The following TIAM2 variants were observed in gnomAD, a reference collection of about 807,000 sequenced individuals.
TIAM2 encodes the protein TIAM Rac1 associated GEF 2.
In TIAM2, 80 loss-of-function variants were observed where a neutral mutation model predicts 152.9. The observed-to-expected ratio is 0.52, with a 90% CI of 0.44 to 0.63. The LOEUF (loss-of-function observed/expected upper bound fraction) is 0.63, where lower values mean the gene tolerates loss of function less well. TIAM2 is among the 30% of genes least tolerant of loss of function. TIAM2 has a pLI of 0.00. For missense variants in TIAM2, 1,965 were observed against 2,120.1 expected, an observed-to-expected ratio of 0.93 and a Z score of 1.44; for synonymous variants, 804 against 838.0, an observed-to-expected ratio of 0.96 and a Z score of 0.70.
rs556932826 is a variant in TIAM2 at position 155,240,213 on chromosome 6, T to A, written c.3169-317T>A. ...AGCCATAACTTCTTGATTTCAGAGC[T>A]ACCTCACCTTGACTGCAGAGGGTTA... On this transcript the variant is annotated intron_variant, in intron 15 of 26. Transcript: ENST00000682666. Among the ~76,000 whole-genome samples, 292 of 152,378 alleles carry A rather than the reference T, an allele frequency of 1.9e-3. 3 individuals are homozygous for A. The highest frequency in any genetic ancestry group is 6.9e-3 in the African/African-American group (287 of 41,600).
intron 2 of TIAM2, among the ~76,000 whole-genome samples, chr6:155,114,502 C>T (rs1276156724): frequency 6.6e-6 from 1 of 151,994 alleles, no homozygotes; most frequent in Non-Finnish European, 1.5e-5. Flanking sequence ...TGCCCCACCC[C>T]CACAGCCATT....
rs2114941873 is a variant in TIAM2, at chr6:155,063,638, T to A, written c.-208-26651T>A. Among the ~76,000 whole-genome samples the A allele has an allele frequency of 2.0e-5, 3 of 152,026 alleles. No individual in the cohort carries two copies. In the South Asian group the frequency reaches 6.2e-4, roughly 32 times the overall value. ...CTCTACTAAAAATACAAAAATTAGC[T>A]GGGCGTGGTGGTACATGCCTGCTGT... On this transcript the variant is annotated intron_variant, in intron 1 of 26. Transcript: ENST00000682666.
intron 1 of TIAM2, among the ~76,000 whole-genome samples, chr6:155,084,791 G>A (rs983436037): frequency 6.6e-6 from 1 of 152,132 alleles, no homozygotes; most frequent in African/African-American, 2.4e-5. Flanking sequence ...AGTCTACTGG[G>A]TAACTCTACA....
intron 1 of TIAM2, among the ~76,000 whole-genome samples, chr6:154,996,120 A>G (rs931266674): frequency 9.9e-5 from 15 of 152,190 alleles, no homozygotes; most frequent in African/African-American, 3.6e-4. Context: ...TTGTGCCCCT[A>G]ATGGATCCTA....
chr6:155,140,687 G>A (rs901247860), intron 5 of TIAM2, among the ~76,000 whole-genome samples: 2 of 151,834 alleles, frequency 1.3e-5, no homozygotes, highest in African/African-American at 4.8e-5. Flanking sequence ...GATGGAGGAG[G>A]GCATAAAGAT....
rs1781939235 is a variant in TIAM2, at chr6:155,218,691, AC to A, written c.3168+7386del. ...TGTGTGAAGGTTTTCCCTGTTGCTC[AC>A]CTAATGGCCTCTTGAGCTGAGATTC... On this transcript the variant is annotated intron_variant, in intron 15 of 26. Transcript: ENST00000682666. The surrounding 1 kb of genome is among the most constrained non-coding windows in gnomAD (Gnocchi z 4.5). 6.6e-6 allele frequency among the ~76,000 whole-genome samples: 1 copy of A among 152,174 alleles called. No homozygotes were observed. The highest frequency in any genetic ancestry group is 1.5e-5 in the Non-Finnish European group (1 of 68,032).
chr6:155,105,230 G>A (rs1216375656), intron 2 of TIAM2, among the ~76,000 whole-genome samples: 1 of 152,158 alleles, frequency 6.6e-6, no homozygotes, highest in East Asian at 1.9e-4. Flanking sequence ...CACAGTCTTG[G>A]CTCACTGCAG....
At chr6:155,047,282 G>A (rs1356338531) in intron 1 of TIAM2, among the ~76,000 whole-genome samples, 1 of 152,256 alleles carries the variant, frequency 6.6e-6, no homozygotes, top group African/African-American at 2.4e-5. Context: ...TGGCTCAAGC[G>A]CTTCTCCTGC....
chr6:155,193,249 A>G (rs12153977), intron 14 of TIAM2, among the ~76,000 whole-genome samples: 1 of 152,074 alleles, frequency 6.6e-6, no homozygotes, highest in African/African-American at 2.4e-5. Context: ...TACAAAAAAT[A>G]AAAAATTAGC....
intron 1 of TIAM2, among the ~76,000 whole-genome samples, chr6:155,041,814 A>C (rs953212487): frequency 2.6e-5 from 4 of 152,178 alleles, no homozygotes; most frequent in Admixed American, 1.3e-4. Flanking sequence ...TGCCAGTGCG[A>C]TGTAGACCCA....
chr6:155,221,169 T>C (rs1782034156), intron 15 of TIAM2, among the ~76,000 whole-genome samples: 1 of 146,840 alleles, frequency 6.8e-6, no homozygotes. Flanking sequence ...TTATTCAGAG[T>C]CATCTTCAGA....
intron 26 of TIAM2, chr6:155,256,172 T>C (rs1241729290): frequency 5.7e-6 from 3 of 527,188 alleles, no homozygotes; most frequent in African/African-American, 3.9e-5. Context: ...ACCAATTAAC[T>C]TTTCAACTTA....
intron 4 of TIAM2, among the ~76,000 whole-genome samples, chr6:155,130,927 A>G (rs967239980): frequency 6.6e-6 from 1 of 150,578 alleles, no homozygotes; most frequent in African/African-American, 2.4e-5. Context: ...CCTCTCAAAG[A>G]TGTCAGTTAA....
intron 1 of TIAM2, among the ~76,000 whole-genome samples, chr6:155,056,508 A>AT (rs35923737): frequency 0.51 from 76,715 of 151,520 alleles, 19,779 homozygotes; most frequent in East Asian, 0.64. Context: ...GAATTCAGAA[A>AT]TTTTTTTGCT....
intron 2 of TIAM2, among the ~76,000 whole-genome samples, chr6:155,118,607 A>AT (rs1396095452): frequency 4.0e-5 from 6 of 150,894 alleles, no homozygotes; most frequent in African/African-American, 7.3e-5. Flanking sequence ...TAATTTTTGT[A>AT]TTTTTTTAGT....
chr6:154,998,521 A>G (rs936055681), intron 1 of TIAM2, among the ~76,000 whole-genome samples: 9 of 152,302 alleles, frequency 5.9e-5, no homozygotes, highest in African/African-American at 1.7e-4. Context: ...CAAATTTTGT[A>G]TGTAGTTAAA....
intron 21 of TIAM2, 83 bp from the exon 22 acceptor site, chr6:155,250,830 A>C (rs933527593): frequency 4.2e-5 from 58 of 1,377,336 alleles, no homozygotes; most frequent in Middle Eastern, 1.8e-4. Flanking sequence ...TTTAGCAATG[A>C]CTGTGTGTAC....
chr6:155,095,399 A>G (rs1778397455), intron 2 of TIAM2, among the ~76,000 whole-genome samples: 1 of 152,166 alleles, frequency 6.6e-6, no homozygotes, highest in South Asian at 2.1e-4. Context: ...GATCCGTGGT[A>G]ATTAACTTCA....
rs376752432 is a variant in TIAM2, at chr6:155,136,510, G to A, written c.1195-667G>A. 1.8e-4 allele frequency among the ~76,000 whole-genome samples: 28 copies of A among 152,132 alleles called. No homozygotes were observed. The South Asian group carries it at 5.8e-3, about 32-fold the overall frequency. On this transcript the variant is annotated intron_variant, in intron 4 of 26. Coordinates refer to ENST00000682666, the MANE Select transcript of TIAM2 (RefSeq NM_012454.4). ...GCTGGTTTTGAACTCCTGGCCTCAGGTGATCCACCTGCCTCGGCCTCCCAA... is the reference window on the plus strand; with the variant it reads ...GCTGGTTTTGAACTCCTGGCCTCAGATGATCCACCTGCCTCGGCCTCCCAA...
Sources: allele counts gnomAD v4.1 joint callset (sites outside exome capture counted in the v4.1 genomes callset), GRCh38; gene constraint gnomAD v4.1.1; non-coding constraint Gnocchi (gnomAD v3.1); transcripts MANE v1.5; gene names NCBI Gene and HGNC (gene_info 2026-07-23, HGNC 2026-07-21).